The following BCAR3 variants were observed in gnomAD, a reference collection of about 807,000 sequenced individuals.
BCAR3 encodes breast cancer anti-estrogen resistance protein 3.
In BCAR3, 37 loss-of-function variants were observed where a neutral mutation model predicts 80.1. The observed-to-expected ratio is 0.46, with a 90% confidence interval of 0.36 to 0.61. The LOEUF (loss-of-function observed/expected upper bound fraction) is 0.61. BCAR3 is among the 20% of genes least tolerant of loss of function. The probability of loss-of-function intolerance (pLI) is 0.00; values close to 1 mark genes in which losing one functional copy is unlikely to be tolerated. For synonymous variants in BCAR3, 389 were observed against 418.9 expected, an observed-to-expected ratio of 0.93 and a Z score of 0.87; for missense variants, 978 against 1,068.2, an observed-to-expected ratio of 0.92 and a Z score of 1.18.
intron 2 of BCAR3, among the ~76,000 whole-genome samples, chr1:93,707,952 T>C (rs890201806): frequency 1.3e-5 from 2 of 151,934 alleles, no homozygotes; most frequent in Non-Finnish European, 2.9e-5. Flanking sequence ...ACGAGGTAAA[T>C]AGCAGTGTGT....
intron 2 of BCAR3, among the ~76,000 whole-genome samples, chr1:93,723,808 C>T (rs775447539): frequency 1.3e-5 from 2 of 152,136 alleles, no homozygotes; most frequent in Non-Finnish European, 2.9e-5. Flanking sequence ...GAGTTTTATA[C>T]AGCTGGGACT....
chr1:93,576,087 T>A lies in BCAR3; in HGVS notation c.1729A>T (p.Met577Leu), dbSNP rs779976382. The change falls in exon 8 of 12, where the codon ATG (methionine) becomes TTG (leucine). Residue 577 changes from methionine to leucine, a missense_variant. By Grantham distance (15) the Met-to-Leu change is conservative (BLOSUM62 2). Coordinates refer to ENST00000260502, the MANE Select transcript of BCAR3 (RefSeq NM_003567.4). ...AGTTCCAGGCCTGAGCTCACCCCCATGTTCCTCCTCATCTCTTCAGAGACT... is the reference window on the plus strand; with the variant it reads ...AGTTCCAGGCCTGAGCTCACCCCCAAGTTCCTCCTCATCTCTTCAGAGACT... ...LGVSEEMRRN[M>L]GVSSGLELIT... is the part of the protein sequence containing the mutation. 12 of 1,614,044 alleles carry A rather than the reference T, an allele frequency of 7.4e-6. No homozygotes were observed. In the African/African-American group the frequency reaches 1.1e-4, roughly 14 times the overall value.
intron 2 of BCAR3, among the ~76,000 whole-genome samples, chr1:93,757,333 C>T (rs1243109661): frequency 1.3e-5 from 2 of 152,070 alleles, no homozygotes; most frequent in African/African-American, 2.4e-5. Context: ...GACAGCAGCT[C>T]CCCCCATTTT....
intron 2 of BCAR3, among the ~76,000 whole-genome samples, chr1:93,749,820 T>C (rs577897064): frequency 6.6e-6 from 1 of 152,104 alleles, no homozygotes; most frequent in Non-Finnish European, 1.5e-5. Context: ...TTAGTAATTT[T>C]ATACTCTTAA....
intron 3 of BCAR3, among the ~76,000 whole-genome samples, chr1:93,619,423 T>C (rs1014780273): frequency 1.3e-5 from 2 of 152,296 alleles, no homozygotes. Flanking sequence ...TGGAGTCTTA[T>C]CCATCCAAGA....
intron 2 of BCAR3, among the ~76,000 whole-genome samples, chr1:93,811,432 G>A (rs969347384): frequency 6.6e-5 from 10 of 152,220 alleles, no homozygotes; most frequent in African/African-American, 2.4e-4. Flanking sequence ...GACAGAGGGT[G>A]AGGCTCAAAG....
intron 2 of BCAR3, among the ~76,000 whole-genome samples, chr1:93,771,864 G>C (rs1367526507): frequency 6.6e-6 from 1 of 152,052 alleles, no homozygotes; most frequent in Non-Finnish European, 1.5e-5. Flanking sequence ...CCCAAATATA[G>C]CACATCATAG....
intron 2 of BCAR3, among the ~76,000 whole-genome samples, chr1:93,828,074 G>A (rs566338355): frequency 6.6e-6 from 1 of 152,298 alleles, no homozygotes; most frequent in African/African-American, 2.4e-5. Flanking sequence ...CAAGGCTGCA[G>A]TGAGCTATGA....
chr1:93,845,502 A>ATATATCTATATCTCATGTTGTC, intron 2 of BCAR3: 2 of 113,822 alleles, frequency 1.8e-5, no homozygotes, highest in Non-Finnish European at 3.5e-5. Context: ...ATATATATAT[A>ATATATCTATATCTCATGTTGTC]AAACTTTGTT....
chr1:93,591,409 A>C (rs1387789610), intron 4 of BCAR3, among the ~76,000 whole-genome samples: 1 of 152,036 alleles, frequency 6.6e-6, no homozygotes, highest in Non-Finnish European at 1.5e-5. Flanking sequence ...CAGGAGGTAG[A>C]GGTTGCAGTG....
Position 93,561,904 on chromosome 1 carries a change from T to G in BCAR3, c.*337A>C. The G allele has an allele frequency of 5.4e-6, 1 of 185,524 alleles. No individual in the cohort carries two copies. Among genetic ancestry groups the G allele is most frequent in the Non-Finnish European group, 1.1e-5 (1 of 90,126 alleles). The allele number at this position is 185,524 out of a possible 1,614,324, so 11.5% of individuals were successfully genotyped here. On this transcript the variant is annotated 3_prime_UTR_variant, in exon 12 of 12. Transcript: ENST00000260502. ...GTTTCATGCTTTTAAACTCTTCTAT[T>G]TACACTTATCTGACATGGAATTAAA...
At chr1:93,658,758 T>G (rs1219900218) in intron 2 of BCAR3, among the ~76,000 whole-genome samples, 2 of 152,254 alleles carry the variant, frequency 1.3e-5, no homozygotes, top group Non-Finnish European at 2.9e-5. Context: ...TTACATGTCT[T>G]GGATGGAGTT....
In BCAR3 at chr1:93,589,296, T is replaced by C. The variant is rs1674078306; in HGVS notation, c.610A>G (p.Thr204Ala). The change falls in exon 5 of 12, where the codon ACA becomes GCA. Residue 204 changes from threonine to alanine, a missense_variant. Thr to Ala is a moderately conservative substitution (Grantham distance 58). Coordinates refer to ENST00000260502, the MANE Select transcript of BCAR3 (RefSeq NM_003567.4). ...TAGGCCTCGCTGAGTCGCAGAACTGTCCGGTTGATTTTGAAGTGCTGAGCG... is the reference window on the plus strand; with the variant it reads ...TAGGCCTCGCTGAGTCGCAGAACTGCCCGGTTGATTTTGAAGTGCTGAGCG... ...NLAQHFKINR[T>A]VLRLSEAYSR... The C allele has an allele frequency of 1.2e-6, 2 of 1,614,092 alleles. No individual in the cohort carries two copies. The highest frequency in any genetic ancestry group is 1.7e-6 in the Non-Finnish European group (2 of 1,180,012).
At chr1:93,799,039 C>CA (rs1441776998) in intron 2 of BCAR3, among the ~76,000 whole-genome samples, 4 of 152,030 alleles carry the variant, frequency 2.6e-5, no homozygotes, top group Admixed American at 1.3e-4. Context: ...GATGTGAATT[C>CA]AAAAAAGCTT....
At position 93,673,828 on chromosome 1, in the gene BCAR3, A is replaced by T. The variant is rs759796334; in HGVS notation, c.317+786T>A. Among the ~76,000 whole-genome samples the T allele has an allele frequency of 3.2e-4, 49 of 152,218 alleles. 1 individual carries two copies. Among genetic ancestry groups the T allele is most frequent in the Non-Finnish European group, 2.6e-4 (18 of 68,044 alleles). Reference sequence around the variant, plus strand: ...CATGCTGACAACTAAATATAAGGAGATATGGGGTCTAATTTATAGACATCC... The same window carrying T: ...CATGCTGACAACTAAATATAAGGAGTTATGGGGTCTAATTTATAGACATCC... On this transcript the variant is annotated intron_variant, in intron 2 of 11. Coordinates refer to ENST00000260502, the MANE Select transcript of BCAR3 (RefSeq NM_003567.4).
At chr1:93,750,462 A>G (rs1436370397) in intron 2 of BCAR3, among the ~76,000 whole-genome samples, 1 of 152,260 alleles carries the variant, frequency 6.6e-6, no homozygotes, top group Non-Finnish European at 1.5e-5. Context: ...TATTTTCTAT[A>G]GTCACTATGA....
intron 3 of BCAR3, among the ~76,000 whole-genome samples, chr1:93,610,642 G>C (rs903945962): frequency 1.3e-5 from 2 of 152,060 alleles, no homozygotes; most frequent in African/African-American, 4.8e-5. Context: ...TCTTAATATA[G>C]TACAGTAGAA....
chr1:93,644,425 C>A (rs973022059), intron 2 of BCAR3, among the ~76,000 whole-genome samples: 2 of 152,206 alleles, frequency 1.3e-5, no homozygotes, highest in African/African-American at 2.4e-5. Context: ...TGTTTAAATT[C>A]ACCTACAGCC....
rs1042264208 is a variant in BCAR3 at position 93,837,011 on chromosome 1, C to T, written c.-63+8556G>A. Among the ~76,000 whole-genome samples the T allele has an allele frequency of 1.7e-4, 26 of 152,296 alleles. 1 individual carries two copies. Among genetic ancestry groups the T allele is most frequent in the Admixed American group, 1.5e-3 (23 of 15,304 alleles). On this transcript the variant is annotated intron_variant, in intron 2 of 13. Transcript: ENST00000370244. Reference sequence around the variant, plus strand: ...GACTCTCTTTTCAGACTCAGCCCACCTGCACCCATGTGATTAAAAAGCTTT... The same window carrying T: ...GACTCTCTTTTCAGACTCAGCCCACTTGCACCCATGTGATTAAAAAGCTTT...
Sources: allele counts gnomAD v4.1 joint callset (sites outside exome capture counted in the v4.1 genomes callset), GRCh38; gene constraint gnomAD v4.1.1; transcripts MANE v1.5; gene names NCBI Gene and HGNC (gene_info 2026-07-23, HGNC 2026-07-21).